Variants in ANK1 observed in about 807,000 individuals in gnomAD.
The protein encoded by ANK1 is ankyrin 1, also known as ankyrin-1.
In ANK1, 51 loss-of-function variants were observed where a neutral mutation model predicts 210.4. The ratio of observed to expected loss-of-function variants is 0.24; its 90% CI spans 0.19 to 0.31. ANK1 has a LOEUF of 0.31. Among genes scored for constraint, ANK1 ranks in the 10% least tolerant of loss-of-function variants. The probability of loss-of-function intolerance (pLI) is 1.00; values close to 1 mark genes in which losing one functional copy is unlikely to be tolerated. For missense variants in ANK1, 2,051 were observed against 2,504.4 expected, an observed-to-expected ratio of 0.82 and a Z score of 3.86; for synonymous variants, 967 against 1,025.9, an observed-to-expected ratio of 0.94 and a Z score of 1.10.
rs1485400840 is a variant in ANK1, at chr8:41,683,203, C to T, written c.4537+1341G>A. Among the ~76,000 whole-genome samples, 4 of 152,302 alleles carry T rather than the reference C, an allele frequency of 2.6e-5. No homozygotes were observed. The East Asian group carries it at 5.8e-4, about 22-fold the overall frequency. On this transcript the variant is annotated intron_variant, in intron 37 of 42. Coordinates refer to ENST00000289734, the MANE Select transcript of ANK1 (RefSeq NM_000037.4). Reference sequence around the variant, plus strand: ...GCCATGACATGCATGTGGACGTGGCCGGCTCTGCGCCTGCCGAAATGGGGA... The same window carrying T: ...GCCATGACATGCATGTGGACGTGGCTGGCTCTGCGCCTGCCGAAATGGGGA...
intron 1 of ANK1, among the ~76,000 whole-genome samples, chr8:41,866,454 A>G (rs889429954): frequency 6.6e-6 from 1 of 152,188 alleles, no homozygotes; most frequent in Non-Finnish European, 1.5e-5. Context: ...TTGGCCTCCC[A>G]AAGTGCTGAG....
In ANK1 at chr8:41,683,098, G is replaced by A. The variant is rs116364735; in HGVS notation, c.4537+1446C>T. 4.0e-3 allele frequency among the ~76,000 whole-genome samples: 611 copies of A among 151,800 alleles called. 4 individuals are homozygous for A. The highest frequency in any genetic ancestry group is 0.013 in the African/African-American group (543 of 41,208). On this transcript the variant is annotated intron_variant, in intron 37 of 42. Coordinates refer to ENST00000289734, the MANE Select transcript of ANK1 (RefSeq NM_000037.4). ...CACGTGCACACACACACACATGCAC[G>A]CACACATGCACACACATACGCACAC...
intron 1 of ANK1, among the ~76,000 whole-genome samples, chr8:41,762,169 A>T (rs894285527): frequency 6.6e-6 from 1 of 152,090 alleles, no homozygotes; most frequent in Non-Finnish European, 1.5e-5. Context: ...GTCCTCTGTG[A>T]CATTCTCATG....
At chr8:41,800,379 C>T (rs61334818), upstream of ANK1, among the ~76,000 whole-genome samples, 1,169 of 152,286 alleles carry the variant, frequency 7.7e-3, 23 homozygotes, top group African/African-American at 0.027. Flanking sequence ...TAAGAAGACA[C>T]GGTGCCAGGT....
intron 1 of ANK1, among the ~76,000 whole-genome samples, chr8:41,765,658 A>G (rs1395496393): frequency 6.6e-6 from 1 of 152,162 alleles, no homozygotes; most frequent in Non-Finnish European, 1.5e-5. Flanking sequence ...AATGGAAGAG[A>G]AGGAAGGGAA....
intron 1 of ANK1, among the ~76,000 whole-genome samples, chr8:41,850,853 G>A (rs1554652332): frequency 1.3e-5 from 2 of 152,250 alleles, no homozygotes; most frequent in Non-Finnish European, 2.9e-5. Flanking sequence ...GCCTCGGCTA[G>A]TAAGTGGCTG....
At chr8:41,892,960 A>T (rs1819728212) in intron 1 of ANK1, among the ~76,000 whole-genome samples, 1 of 135,432 alleles carries the variant, frequency 7.4e-6, no homozygotes, top group Admixed American at 6.9e-5. Flanking sequence ...CTGAGTAAAC[A>T]CTACCCTGGG....
rs1815847177 is a variant in ANK1, at chr8:41,872,948, A to C, written c.126+23407T>G. ...GAGATTTTGAGGCAGAACAATGGCT[A>C]ACATAATTTATAAAAACACAATATT... is the stretch of plus-strand genomic sequence containing the variant. On this transcript the variant is annotated intron_variant, in intron 1 of 42. Coordinates refer to the ANK1 transcript ENST00000265709. Among the ~76,000 whole-genome samples the C allele has an allele frequency of 2.6e-5, 4 of 152,352 alleles. No homozygotes were observed. In the South Asian group the frequency reaches 8.3e-4, roughly 32 times the overall value.
Position 41,692,630 on chromosome 8 carries a change from A to G in ANK1, c.3858+18T>C, listed in dbSNP as rs1290255789. The G allele has an allele frequency of 8.1e-6, 13 of 1,607,302 alleles. No individual in the cohort carries two copies. The highest frequency in any genetic ancestry group is 1.7e-5 in the Admixed American group (1 of 59,992). The stretch of plus-strand genomic sequence containing the variant: ...GGACGGTTTGTCCCAGAGGCGGTGC[A>G]GGGCCCAGCCCTGTTACCTCTATGT... On this transcript the variant is annotated intron_variant, in intron 31 of 42. Coordinates refer to ENST00000289734, the MANE Select transcript of ANK1 (RefSeq NM_000037.4).
chr8:41,683,110 A>G (rs1816618334), intron 37 of ANK1, among the ~76,000 whole-genome samples: 1 of 151,762 alleles, frequency 6.6e-6, no homozygotes, highest in South Asian at 2.1e-4. Context: ...ACACATGCAC[A>G]CACATACGCA....
intron 1 of ANK1, chr8:41,788,927 C>G (rs930993296): frequency 6.6e-6 from 1 of 152,266 alleles, no homozygotes; most frequent in African/African-American, 2.4e-5. Flanking sequence ...CTGTCCACCC[C>G]ACCTGTCCCT....
rs777043700 is a variant in ANK1 at position 41,660,606 on chromosome 8, TGGCAC to T, written c.*36+819_*36+823del. 299 of 442,684 alleles carry T rather than the reference TGGCAC, an allele frequency of 6.8e-4. 6 individuals are homozygous for T. In the Middle Eastern group the frequency reaches 0.016, roughly 24 times the overall value. 27.4% of individuals were successfully genotyped at this position (442,684 alleles called of 1,614,324 possible). A position where few individuals can be genotyped will look rare whatever the true frequency, so the allele number is the denominator to read the frequency against. ...ACAGCGTCTTCATGTCCCTTCCTCATGGCACGGCACGGCACGGCATGCCCCTGCTC... is the reference window on the plus strand; with the variant it reads ...ACAGCGTCTTCATGTCCCTTCCTCATGGCACGGCACGGCATGCCCCTGCTC... On this transcript the variant is annotated intron_variant, in intron 42 of 42. Transcript: ENST00000289734.
In ANK1 at chr8:41,802,953, G is replaced by A. The variant is rs897677254; in HGVS notation, c.127-44816C>T. Among the ~76,000 whole-genome samples the A allele has an allele frequency of 1.9e-4, 11 of 58,930 alleles. 1 individual carries two copies. The Admixed American group carries it at 1.9e-3, about 10-fold the overall frequency. 38.7% of individuals were successfully genotyped at this position (58,930 alleles called of 152,430 possible). ...AGAGAGAAAGGGAGAGAGAAAGGGG[G>A]GGGGGGAGAGAGAGAGAGATGAAAA... On this transcript the variant is annotated intron_variant, in intron 1 of 42. Transcript: ENST00000265709.
intron 22 of ANK1, chr8:41,700,315 T>A: frequency 8.3e-7 from 1 of 1,199,832 alleles, no homozygotes; most frequent in Non-Finnish European, 1.2e-6. Flanking sequence ...TGGCTCCAGC[T>A]TATTAGCTGT....
rs970309797 is a variant in ANK1 at position 41,704,104 on chromosome 8, C to T, written c.2232G>A (p.Gln744=). The change falls in exon 20 of 43, where the codon CAG becomes CAA. Residue 744 remains glutamine, a synonymous_variant. Coordinates refer to ENST00000289734, the MANE Select transcript of ANK1 (RefSeq NM_000037.4). This position sits in a 1 kb window ranked among gnomAD's most constrained non-coding sequence, Gnocchi z 4.1. ...GYSPLHQAAQ[Q]GHTDIVTLLL... is the part of the protein sequence containing the mutation. Reference sequence around the variant, plus strand: ...GCAGAGTCACGATGTCTGTGTGTCCCTGCTGGGCTGCCTGGTGCAGGGGGC... The same window carrying T: ...GCAGAGTCACGATGTCTGTGTGTCCTTGCTGGGCTGCCTGGTGCAGGGGGC... 1 of 1,614,154 alleles carries T rather than the reference C, an allele frequency of 6.2e-7. No homozygotes were observed. The highest frequency in any genetic ancestry group is 8.5e-7 in the Non-Finnish European group (1 of 1,180,028).
chr8:41,808,605 C>T (rs1316800346), intron 1 of ANK1, among the ~76,000 whole-genome samples: 2 of 152,016 alleles, frequency 1.3e-5, no homozygotes, highest in Non-Finnish European at 2.9e-5. Flanking sequence ...GCGGAGGTTG[C>T]AGTGAGTCAA....
At chr8:41,881,452 T>C (rs1320413751) in intron 1 of ANK1, among the ~76,000 whole-genome samples, 1 of 152,210 alleles carries the variant, frequency 6.6e-6, no homozygotes, top group Non-Finnish European at 1.5e-5. Flanking sequence ...TCTATGGGAT[T>C]GGTTCTGTTT....
chr8:41,725,656 C>A, intron 6 of ANK1, 105 bp downstream of exon 6: 1 of 1,481,694 alleles, frequency 6.7e-7, no homozygotes, highest in South Asian at 1.2e-5. Context: ...ACTGCCCGCC[C>A]TGCACGCTCG....
rs1563844816 is a variant in ANK1, at chr8:41,822,097, AG to A, written c.127-63961del. Among the ~76,000 whole-genome samples the A allele has an allele frequency of 3.7e-4, 20 of 53,466 alleles. 1 individual carries two copies. The highest frequency in any genetic ancestry group is 8.9e-4 in the Admixed American group (4 of 4,516). 35.1% of individuals were successfully genotyped at this position (53,466 alleles called of 152,430 possible). A position where few individuals can be genotyped will look rare whatever the true frequency, so the allele number is the denominator to read the frequency against. ...GAGAGAGAGAGAGAGAGAGAGAGAG[AG>A]AGAGAGAGAGAGAGAGAAAGAAAGA... On this transcript the variant is annotated intron_variant, in intron 1 of 42. Coordinates refer to the ANK1 transcript ENST00000265709.
Sources: allele counts gnomAD v4.1 joint callset (sites outside exome capture counted in the v4.1 genomes callset), GRCh38; gene constraint gnomAD v4.1.1; non-coding constraint Gnocchi (gnomAD v3.1); transcripts MANE v1.5; gene names NCBI Gene and HGNC (gene_info 2026-07-23, HGNC 2026-07-21).